The following SLFN11 variants were observed in gnomAD, a reference collection of about 807,000 sequenced individuals.
SLFN11 encodes the protein schlafen family member 11.
Under a neutral mutation model 53.4 loss-of-function variants are expected in SLFN11, and 43 were observed. The observed-to-expected ratio is 0.80, with a 90% confidence interval of 0.63 to 1.04. The LOEUF (loss-of-function observed/expected upper bound fraction) is 1.04, where lower values mean the gene tolerates loss of function less well. SLFN11 is among the 50% of genes least tolerant of loss of function. SLFN11 has a pLI of 0.00. For missense variants in SLFN11, 990 were observed against 1,079.1 expected (o/e 0.92, Z 1.16); for synonymous variants, 389 against 394.7 (o/e 0.99, Z 0.17).
In SLFN11 at chr17:35,352,395, T is replaced by A. The variant is rs1325038707; in HGVS notation, c.2667A>T (p.Ala889=). The change falls in exon 7 of 7, where the codon GCA becomes GCT. Residue 889 remains alanine, a synonymous_variant. Coordinates refer to ENST00000685675, the MANE Select transcript of SLFN11 (RefSeq NM_001376007.1). ...ACGGAAAAATATACAGGTGTTGTTT[T>A]GCCCTGGAAGCCAGACAGATCAGAA... is the stretch of plus-strand genomic sequence containing the variant. ...PNVLICLASR[A]KQHLYIFPWG... is the part of the protein sequence containing the mutation. 6.2e-7 allele frequency: 1 copy of A among 1,614,232 alleles called. No individual in the cohort carries two copies. Among genetic ancestry groups the A allele is most frequent in the Non-Finnish European group, 8.5e-7 (1 of 1,180,034 alleles).
rs1427520293 is a variant in SLFN11, at chr17:35,360,077, G to T, written c.1198+166C>A. 4 of 639,874 alleles carry T rather than the reference G, an allele frequency of 6.3e-6. No individual in the cohort carries two copies. The East Asian group carries it at 1.2e-4, about 20-fold the overall frequency. 39.6% of individuals were successfully genotyped at this position (639,874 alleles called of 1,614,324 possible). On this transcript the variant is annotated intron_variant, in intron 5 of 6. Transcript: ENST00000685675. ...TGCCTTAGCCAGTGGGGTCAGTAAG[G>T]GTTCATTTCTAAACCACTTATCACC...
At chr17:35,360,521 A>C (rs1419268797) in intron 4 of SLFN11, 150 bp from the exon 5 acceptor site, 1 of 796,692 alleles carries the variant, frequency 1.3e-6, no homozygotes, top group Middle Eastern at 3.8e-4. Context: ...TACTCTAGAT[A>C]AGTGCCTTTA....
intron 1 of SLFN11, among the ~76,000 whole-genome samples, chr17:35,369,221 G>A (rs548194505): frequency 1.3e-5 from 2 of 152,200 alleles, no homozygotes; most frequent in Admixed American, 1.3e-4. Flanking sequence ...TGGGCCAGAG[G>A]GGAGTCCACT....
chr17:35,354,527 C>T (rs1024476091), intron 5 of SLFN11, among the ~76,000 whole-genome samples: 1 of 152,118 alleles, frequency 6.6e-6, no homozygotes, highest in Non-Finnish European at 1.5e-5. Flanking sequence ...TCATTAACTC[C>T]ATAGTTGCAG....
intron 1 of SLFN11, among the ~76,000 whole-genome samples, chr17:35,370,113 C>T (rs1909463792): frequency 6.6e-6 from 1 of 152,040 alleles, no homozygotes; most frequent in Admixed American, 6.5e-5. Context: ...TTCAACAATA[C>T]ATTAAAAAGA....
In SLFN11 at chr17:35,350,905, T is replaced by C. The variant is rs1906591900; in HGVS notation, c.*1451A>G. 1.3e-5 allele frequency: 2 copies of C among 152,238 alleles called. No homozygotes were observed. Among genetic ancestry groups the C allele is most frequent in the African/African-American group, 4.8e-5 (2 of 41,462 alleles). The allele number at this position is 152,238 out of a possible 1,614,324, so 9.4% of individuals were successfully genotyped here. On this transcript the variant is annotated 3_prime_UTR_variant, in exon 7 of 7. Transcript: ENST00000685675. ...AGTTATGCAAATATTTTACTGTTAA[T>C]ATTTAGATTAGTGTTTTAGAACGTT... is the stretch of plus-strand genomic sequence containing the variant.
intron 1 of SLFN11, among the ~76,000 whole-genome samples, chr17:35,372,157 C>T (rs1238319213): frequency 6.6e-6 from 1 of 152,086 alleles, no homozygotes; most frequent in Non-Finnish European, 1.5e-5. Flanking sequence ...AGAATGAGAT[C>T]CAATCACTTG....
intron 4 of SLFN11, among the ~76,000 whole-genome samples, chr17:35,360,994 T>C (rs919313102): frequency 6.6e-6 from 1 of 152,094 alleles, no homozygotes; most frequent in Non-Finnish European, 1.5e-5. Flanking sequence ...AATGAGAAAT[T>C]GTGTGAAATC....
At chr17:35,358,890 T>C (rs1170709273) in intron 5 of SLFN11, among the ~76,000 whole-genome samples, 1 of 152,050 alleles carries the variant, frequency 6.6e-6, no homozygotes, top group East Asian at 1.9e-4. Context: ...CAGTAGCTCA[T>C]GCCTATAGTC....
chr17:35,373,284 C>G (rs538100325), intron 1 of SLFN11, among the ~76,000 whole-genome samples, 190 bp downstream of exon 1: 94 of 149,696 alleles, frequency 6.3e-4, no homozygotes, highest in Admixed American at 2.1e-3. Context: ...CCCGCCCCGC[C>G]CGCCAGTCCT....
At position 35,363,568 on chromosome 17, in the gene SLFN11, A is replaced by C. The variant is rs1305445458; in HGVS notation, c.240T>G (p.Ser80=). The C allele has an allele frequency of 6.2e-7, 1 of 1,613,910 alleles. No individual in the cohort carries two copies. Among genetic ancestry groups the C allele is most frequent in the Non-Finnish European group, 8.5e-7 (1 of 1,179,986 alleles). Reference sequence around the variant, plus strand: ...CTGAAGACTGAATAAGCTCTCTCAAAGACTGTTCTAAATCCAGTCCCATCT... The same window carrying C: ...CTGAAGACTGAATAAGCTCTCTCAACGACTGTTCTAAATCCAGTCCCATCT... The part of the protein sequence containing the change: ...PVEMGLDLEQ[S]LRELIQSSDL... The change falls in exon 4 of 7, where the codon TCT becomes TCG. Residue 80 remains serine (S), a synonymous_variant. Transcript: ENST00000685675.
intron 3 of SLFN11, among the ~76,000 whole-genome samples, chr17:35,365,257 CCT>C (rs1194895088): frequency 2.6e-5 from 4 of 151,990 alleles, no homozygotes; most frequent in Admixed American, 1.3e-4. Flanking sequence ...AAAGTCACCC[CCT>C]GAGACAGAGG....
intron 4 of SLFN11, among the ~76,000 whole-genome samples, chr17:35,361,839 G>A (rs922799278): frequency 6.6e-6 from 1 of 151,862 alleles, no homozygotes; most frequent in Non-Finnish European, 1.5e-5. Flanking sequence ...CCTCCTCCCA[G>A]GTTCAAGCAA....
chr17:35,360,349 A>C lies in SLFN11; in HGVS notation c.1092T>G (p.Asp364Glu). The C allele has an allele frequency of 6.2e-7, 1 of 1,608,034 alleles. No homozygotes were observed. The highest frequency in any genetic ancestry group is 8.5e-7 in the Non-Finnish European group (1 of 1,178,052). The change falls in exon 5 of 7, where the codon GAT (aspartate) becomes GAG (glutamate). Residue 364 changes from aspartate (D) to glutamate (E), a missense_variant. Asp to Glu is a conservative substitution (Grantham distance 45). Around this residue, in one of 3 missense-constraint regions of SLFN11, gnomAD observed 521 missense variants for 516.2 expected, o/e 1.01. Coordinates refer to ENST00000685675, the MANE Select transcript of SLFN11 (RefSeq NM_001376007.1). The part of the protein sequence containing the change: ...TDPDLLQLSE[D>E]FECQLSLSSG... ...TAGATAGACTCAGCTGACATTCAAAATCTTCAGACAACTGTAGAAGATCTT... is the reference window on the plus strand; with the variant it reads ...TAGATAGACTCAGCTGACATTCAAACTCTTCAGACAACTGTAGAAGATCTT...
chr17:35,372,441 A>G (rs1273587330), intron 1 of SLFN11, among the ~76,000 whole-genome samples: 2 of 152,122 alleles, frequency 1.3e-5, no homozygotes, highest in East Asian at 1.9e-4. Context: ...ACGTTTTTAA[A>G]TAACTTAAAG....
In SLFN11 at chr17:35,362,857, T is replaced by A; in HGVS notation, c.951A>T (p.Val317=). The A allele has an allele frequency of 1.2e-6, 2 of 1,614,036 alleles. No individual in the cohort carries two copies. The highest frequency in any genetic ancestry group is 1.7e-6 in the Non-Finnish European group (2 of 1,179,970). The change falls in exon 4 of 7, where the codon GTA becomes GTT. Residue 317 remains valine, a synonymous_variant. Coordinates refer to ENST00000685675, the MANE Select transcript of SLFN11 (RefSeq NM_001376007.1). ...AGAACACTGCACAGCAGAAGGGATT[T>A]ACTCTGATCATGCAAGCATAGCCAT... ...ELYGYACMIR[V]NPFCCAVFSE...
In SLFN11 at chr17:35,352,527, C is replaced by G. The variant is rs1167143724; in HGVS notation, c.2535G>C (p.Leu845Phe). 6.2e-7 allele frequency: 1 copy of G among 1,614,164 alleles called. No individual in the cohort carries two copies. Among genetic ancestry groups the G allele is most frequent in the Non-Finnish European group, 8.5e-7 (1 of 1,180,020 alleles). Residue 845 changes from leucine to phenylalanine, a missense_variant, in exon 7 of 7, where the codon TTG becomes TTC. By Grantham distance (22) the Leu-to-Phe change is conservative (BLOSUM62 0). This residue lies in a region of SLFN11 where 313 missense variants were observed against 320.9 expected (regional missense o/e 0.98). Coordinates refer to ENST00000685675, the MANE Select transcript of SLFN11 (RefSeq NM_001376007.1). Reference sequence around the variant, plus strand: ...CACTGTCCAACACAATGTGATCACCCAACATATCACATGCATCACTGAGCT... The same window carrying G: ...CACTGTCCAACACAATGTGATCACCGAACATATCACATGCATCACTGAGCT... Reference protein sequence around the residue: ...VVQLSDACDMLGDHIVLDSVR... With the variant: ...VVQLSDACDMFGDHIVLDSVR...
At chr17:35,371,993 T>C (rs763011062) in intron 1 of SLFN11, among the ~76,000 whole-genome samples, 1 of 152,044 alleles carries the variant, frequency 6.6e-6, no homozygotes, top group Non-Finnish European at 1.5e-5. Flanking sequence ...AGAAAGGAAA[T>C]CAGTATATCC....
At chr17:35,361,356 G>C (rs978901924) in intron 4 of SLFN11, among the ~76,000 whole-genome samples, 1 of 152,156 alleles carries the variant, frequency 6.6e-6, no homozygotes, top group Admixed American at 6.5e-5. Flanking sequence ...TGGAAGAAAA[G>C]GCAAAATATC....
Sources: allele counts gnomAD v4.1 joint callset (sites outside exome capture counted in the v4.1 genomes callset), GRCh38; gene constraint gnomAD v4.1.1; regional missense constraint gnomAD v4.1.1; transcripts MANE v1.5; gene names NCBI Gene and HGNC (gene_info 2026-07-23, HGNC 2026-07-21).